The following SEPTIN9 variants were observed in gnomAD, a reference collection of about 807,000 sequenced individuals.
SEPTIN9 encodes septin-9.
A neutral mutation model predicts 56.6 loss-of-function variants in SEPTIN9; 13 were observed. The observed-to-expected ratio is 0.23, with a 90% CI of 0.15 to 0.37. SEPTIN9 has a LOEUF of 0.37. Ranked by LOEUF, SEPTIN9 falls within the 10% of genes least tolerant of loss-of-function variation. SEPTIN9 has a pLI of 1.00. For missense variants in SEPTIN9, 650 were observed against 823.1 expected (o/e 0.79, Z 2.57); for synonymous variants, 332 against 334.1 (o/e 0.99, Z 0.07).
intron 3 of SEPTIN9, chr17:77,447,123 TA>T (rs1156421958): frequency 6.0e-6 from 1 of 167,118 alleles, no homozygotes; most frequent in African/African-American, 2.4e-5. Flanking sequence ...TCATTTTTAA[TA>T]AGTGCAATTC....
chr17:77,394,569 C>G (rs1723997794), intron 2 of SEPTIN9, among the ~76,000 whole-genome samples: 1 of 152,218 alleles, frequency 6.6e-6, no homozygotes, highest in South Asian at 2.1e-4. Context: ...CCACGTTGCT[C>G]CCTCCTACGA....
intron 2 of SEPTIN9, among the ~76,000 whole-genome samples, chr17:77,356,448 A>C (rs2034241907): frequency 6.6e-6 from 1 of 151,634 alleles, no homozygotes; most frequent in East Asian, 2.0e-4. Flanking sequence ...AGCCTTGGGC[A>C]GCTCTTTCTC....
chr17:77,440,085 G>A (rs540334135), intron 3 of SEPTIN9, among the ~76,000 whole-genome samples: 1 of 152,304 alleles, frequency 6.6e-6, no homozygotes, highest in East Asian at 1.9e-4. Flanking sequence ...GAGTCCTCCA[G>A]TTCCCATTTG....
chr17:77,429,082 A>G lies in SEPTIN9; in HGVS notation c.721+26379A>G, dbSNP rs1256468600. On this transcript the variant is annotated intron_variant, in intron 3 of 11. Coordinates refer to ENST00000427177, the MANE Select transcript of SEPTIN9 (RefSeq NM_001113491.2). The surrounding 1 kb of genome is among the most constrained non-coding windows in gnomAD (Gnocchi z 5.2). The stretch of plus-strand genomic sequence containing the variant: ...GTTGCAGATGTACCTGTTCTTGGCT[A>G]TTTGTGCCCCAGCTCCGTGTCCTCC... 2.1e-6 allele frequency: 1 copy of G among 471,296 alleles called. No homozygotes were observed. The highest frequency in any genetic ancestry group is 2.0e-5 in the African/African-American group (1 of 49,972). The allele number at this position is 471,296 out of a possible 1,614,324, so 29.2% of individuals were successfully genotyped here. A position where few individuals can be genotyped will look rare whatever the true frequency, so the allele number is the denominator to read the frequency against.
intron 2 of SEPTIN9, among the ~76,000 whole-genome samples, chr17:77,345,069 A>G (rs747330534): frequency 3.2e-4 from 48 of 152,060 alleles, no homozygotes; most frequent in Admixed American, 6.6e-4. Context: ...AGACATGAAA[A>G]GACAAATACT....
chr17:77,328,318 T>G (rs771285240), intron 2 of SEPTIN9, among the ~76,000 whole-genome samples: 11 of 152,352 alleles, frequency 7.2e-5, no homozygotes, highest in Non-Finnish European at 1.5e-4. Flanking sequence ...CTTGTGCTCT[T>G]AAGTTCCTGT....
At chr17:77,368,015 T>C (rs952969790) in intron 2 of SEPTIN9, among the ~76,000 whole-genome samples, 4 of 152,236 alleles carry the variant, frequency 2.6e-5, no homozygotes, top group African/African-American at 4.8e-5. Context: ...TGTCACTACA[T>C]GTGAACCTTG....
Position 77,456,002 on chromosome 17 carries a change from G to A in SEPTIN9, c.722-26142G>A, listed in dbSNP as rs1045283026. ...CAGGGGACTGCCCTGGAAGATTCCC[G>A]GCACCGCTTCCCATGCGCCACGTGA... On this transcript the variant is annotated intron_variant, in intron 3 of 11. Coordinates refer to ENST00000427177, the MANE Select transcript of SEPTIN9 (RefSeq NM_001113491.2). This position sits in a 1 kb window ranked among gnomAD's most constrained non-coding sequence, Gnocchi z 6.0. Among the ~76,000 whole-genome samples, 2 of 152,150 alleles carry A rather than the reference G, an allele frequency of 1.3e-5. No individual in the cohort carries two copies. Among genetic ancestry groups the A allele is most frequent in the African/African-American group, 2.4e-5 (1 of 41,428 alleles).
chr17:77,479,222 C>T (rs1269047766), intron 3 of SEPTIN9, among the ~76,000 whole-genome samples: 2 of 152,232 alleles, frequency 1.3e-5, no homozygotes, highest in South Asian at 2.1e-4. Context: ...GCGCAGGCCT[C>T]GGACGGTGTC....
chr17:77,423,948 A>C (rs1258151901), intron 3 of SEPTIN9, among the ~76,000 whole-genome samples: 2 of 107,194 alleles, frequency 1.9e-5, no homozygotes, highest in Non-Finnish European at 3.7e-5. Flanking sequence ...TGGGGCCAGC[A>C]GGGAACACTC....
intron 3 of SEPTIN9, among the ~76,000 whole-genome samples, chr17:77,412,724 T>TAA (rs919702517): frequency 7.0e-6 from 1 of 143,194 alleles, no homozygotes; most frequent in African/African-American, 2.6e-5. Flanking sequence ...AGATCCTGTC[T>TAA]AAAAAAAAAA....
chr17:77,403,420 T>A (rs912874093), intron 3 of SEPTIN9, among the ~76,000 whole-genome samples: 1 of 152,176 alleles, frequency 6.6e-6, no homozygotes, highest in East Asian at 1.9e-4. Flanking sequence ...AGAGAGGCCA[T>A]GGGGCTCCAG....
In SEPTIN9 at chr17:77,385,572, C is replaced by T. The variant is rs113009983; in HGVS notation, c.77-16487C>T. 1.0e-3 allele frequency among the ~76,000 whole-genome samples: 156 copies of T among 152,298 alleles called. 1 individual carries two copies. The highest frequency in any genetic ancestry group is 3.5e-3 in the African/African-American group (147 of 41,566). Reference sequence around the variant, plus strand: ...AAAAATAAAAATAAATAAAAGTTTACTGTCAAAAAGAAAAACACATCACCC... The same window carrying T: ...AAAAATAAAAATAAATAAAAGTTTATTGTCAAAAAGAAAAACACATCACCC... On this transcript the variant is annotated intron_variant, in intron 2 of 11. Transcript: ENST00000427177.
intron 2 of SEPTIN9, among the ~76,000 whole-genome samples, chr17:77,380,942 G>T (rs1393283779): frequency 1.3e-5 from 2 of 152,224 alleles, no homozygotes; most frequent in African/African-American, 4.8e-5. Context: ...CTACAGTGCT[G>T]CCCCTCTGAG....
intron 2 of SEPTIN9, among the ~76,000 whole-genome samples, chr17:77,339,903 G>A (rs1223338990): frequency 1.3e-5 from 2 of 151,812 alleles, no homozygotes; most frequent in East Asian, 1.9e-4. Flanking sequence ...TCAGCTCACC[G>A]CAGCCTCCGC....
At chr17:77,440,817 A>G (rs1240787664) in intron 3 of SEPTIN9, among the ~76,000 whole-genome samples, 3 of 152,260 alleles carry the variant, frequency 2.0e-5, no homozygotes, top group Non-Finnish European at 4.4e-5. Context: ...AAATGGGCCC[A>G]GAGTCACTCA....
At chr17:77,355,419 CCCTGCTGCCAGCCCAT>C (rs1359789778) in intron 2 of SEPTIN9, among the ~76,000 whole-genome samples, 1 of 152,224 alleles carries the variant, frequency 6.6e-6, no homozygotes, top group Non-Finnish European at 1.5e-5. Flanking sequence ...ATGTGCCCCT[CCCTGCTGCCAGCCCAT>C]GGGAGGCTGT....
In SEPTIN9 at chr17:77,475,665, G is replaced by A. The variant is rs778715323; in HGVS notation, c.722-6479G>A. On this transcript the variant is annotated intron_variant, in intron 3 of 11. Transcript: ENST00000427177. The surrounding 1 kb of genome is among the most constrained non-coding windows in gnomAD (Gnocchi z 4.6). ...GCATTGTTACGAGGCAAAGTAAGGA[G>A]ACTGCTGGGCCCACGCTGGGCCGGG... 6.2e-7 allele frequency: 1 copy of A among 1,613,832 alleles called. No individual in the cohort carries two copies. Among genetic ancestry groups the A allele is most frequent in the East Asian group, 2.2e-5 (1 of 44,882 alleles).
Position 77,436,966 on chromosome 17 carries a change from C to T in SEPTIN9, c.721+34263C>T, listed in dbSNP as rs368081545. 2.6e-4 allele frequency among the ~76,000 whole-genome samples: 39 copies of T among 152,320 alleles called. No individual in the cohort carries two copies. In the East Asian group the frequency reaches 7.1e-3, roughly 28 times the overall value. ...GGAAGATGCAGGACACAGATTCACG[C>T]GATTGTGCAGATCACCTGGCCTCAC... On this transcript the variant is annotated intron_variant, in intron 3 of 11. Coordinates refer to ENST00000427177, the MANE Select transcript of SEPTIN9 (RefSeq NM_001113491.2). The surrounding 1 kb of genome is among the most constrained non-coding windows in gnomAD (Gnocchi z 4.4).
Sources: gnomAD v4.1 joint callset for allele counts (sites outside exome capture counted in the v4.1 genomes callset) on GRCh38, gnomAD v4.1.1 for gene constraint, Gnocchi (gnomAD v3.1) non-coding constraint, MANE v1.5 for transcripts, NCBI Gene and HGNC (gene_info 2026-07-23, HGNC 2026-07-21) for gene names.